Variants in TEX26 observed in about 807,000 individuals in gnomAD.
TEX26 encodes testis expressed 26.
Under a neutral mutation model 35.3 loss-of-function variants are expected in TEX26, and 34 were observed. The ratio of observed to expected loss-of-function variants is 0.96; its 90% confidence interval spans 0.73 to 1.28. The LOEUF is 1.28. Among genes scored for constraint, TEX26 ranks in the 50% most tolerant of loss-of-function variants. The probability of loss-of-function intolerance (pLI) is 0.00; values close to 1 mark genes in which losing one functional copy is unlikely to be tolerated. For missense variants in TEX26, 371 were observed against 330.1 expected (o/e 1.12, Z -0.96); for synonymous variants, 136 against 111.8 (o/e 1.22, Z -1.36).
intron 3 of TEX26, among the ~76,000 whole-genome samples, chr13:30,956,521 G>C (rs1383260538): frequency 2.6e-5 from 4 of 152,138 alleles, no homozygotes; most frequent in African/African-American, 9.7e-5. Context: ...GGCTCCCAAG[G>C]GGAAAGCAGC....
chr13:30,966,432 CTTTTTTTTTT>C (rs10523710), intron 5 of TEX26, 34 bp downstream of exon 5: 24 of 994,248 alleles, frequency 2.4e-5, no homozygotes, highest in African/African-American at 4.5e-5. Flanking sequence ...TTCTTTTTCT[CTTTTTTTTTT>C]TTTTTTTTTT....
chr13:30,939,535 T>C (rs1440909432), intron 1 of TEX26, among the ~76,000 whole-genome samples, 159 bp from the exon 2 acceptor site: 1 of 152,250 alleles, frequency 6.6e-6, no homozygotes, highest in Non-Finnish European at 1.5e-5. Flanking sequence ...ACTTCCTCAT[T>C]CCTATTAGAG....
chr13:30,956,517 C>G (rs1251390127), intron 3 of TEX26, among the ~76,000 whole-genome samples: 2 of 152,114 alleles, frequency 1.3e-5, no homozygotes, highest in African/African-American at 4.8e-5. Flanking sequence ...CAGGGGCTCC[C>G]AAGGGGAAAG....
At chr13:30,958,687 A>G (rs535553728) in intron 4 of TEX26, among the ~76,000 whole-genome samples, 3 of 152,188 alleles carry the variant, frequency 2.0e-5, no homozygotes, top group Non-Finnish European at 4.4e-5. Flanking sequence ...CCCCTGAACA[A>G]GAACTTTATC....
At chr13:30,935,623 G>T (rs191311468) in intron 1 of TEX26, among the ~76,000 whole-genome samples, 269 of 152,314 alleles carry the variant, frequency 1.8e-3, no homozygotes, top group South Asian at 5.6e-3. Flanking sequence ...CAGGAGCTAC[G>T]CTCTCTGCTG....
intron 3 of TEX26, among the ~76,000 whole-genome samples, chr13:30,954,088 G>C (rs990855214): frequency 1.3e-5 from 2 of 152,048 alleles, no homozygotes; most frequent in Non-Finnish European, 2.9e-5. Flanking sequence ...AAGACATGTT[G>C]GTTGAAGATG....
At chr13:30,960,090 A>T (rs906463709) in intron 4 of TEX26, among the ~76,000 whole-genome samples, 13 of 152,228 alleles carry the variant, frequency 8.5e-5, no homozygotes, top group African/African-American at 2.7e-4. Context: ...CAGATTGACA[A>T]GAATATACTT....
intron 4 of TEX26, among the ~76,000 whole-genome samples, chr13:30,963,834 T>C (rs1954435314): frequency 6.6e-6 from 1 of 152,174 alleles, no homozygotes; most frequent in African/African-American, 2.4e-5. Context: ...ATTCTATAGA[T>C]ATTTAAGTCT....
intron 6 of TEX26, among the ~76,000 whole-genome samples, chr13:30,970,616 T>C (rs571560228): frequency 6.6e-6 from 1 of 152,282 alleles, no homozygotes; most frequent in East Asian, 1.9e-4. Flanking sequence ...TTGGACCCTG[T>C]AGAAAGAGGA....
At chr13:30,953,607 C>A (rs1164498780) in intron 3 of TEX26, among the ~76,000 whole-genome samples, 1 of 152,158 alleles carries the variant, frequency 6.6e-6, no homozygotes, top group Non-Finnish European at 1.5e-5. Flanking sequence ...CGCTCTCAAA[C>A]CTCCATTTTT....
intron 2 of TEX26, among the ~76,000 whole-genome samples, chr13:30,942,717 C>T (rs1236413888): frequency 2.6e-5 from 4 of 151,880 alleles, no homozygotes; most frequent in South Asian, 2.1e-4. Flanking sequence ...CCAATTTTCC[C>T]GGCACCATTT....
intron 2 of TEX26, among the ~76,000 whole-genome samples, chr13:30,943,788 C>T (rs1469077132): frequency 6.6e-6 from 1 of 152,050 alleles, no homozygotes; most frequent in East Asian, 1.9e-4. Flanking sequence ...TATGTTAAAG[C>T]ATGCCTGCAT....
At chr13:30,968,529 A>C (rs1009571882) in intron 5 of TEX26, among the ~76,000 whole-genome samples, 2 of 152,186 alleles carry the variant, frequency 1.3e-5, no homozygotes, top group African/African-American at 4.8e-5. Flanking sequence ...AAAGACGTGT[A>C]ATTTGGGGTG....
intron 2 of TEX26, among the ~76,000 whole-genome samples, chr13:30,949,575 T>G (rs1355697717): frequency 6.6e-6 from 1 of 151,972 alleles, no homozygotes; most frequent in Non-Finnish European, 1.5e-5. Flanking sequence ...GACAAGGAAG[T>G]GTTAAAAGAT....
chr13:30,937,122 G>C, intron 1 of TEX26: 1 of 438,714 alleles, frequency 2.3e-6, no homozygotes, highest in Non-Finnish European at 3.0e-6. Context: ...CTGTACAAAG[G>C]TAACAATGGA....
At chr13:30,961,375 G>T (rs1348929589) in intron 4 of TEX26, among the ~76,000 whole-genome samples, 2 of 152,146 alleles carry the variant, frequency 1.3e-5, no homozygotes, top group Non-Finnish European at 2.9e-5. Flanking sequence ...CCTGAGCCTT[G>T]CTCCCTGCCT....
intron 2 of TEX26, among the ~76,000 whole-genome samples, chr13:30,942,971 G>A (rs1335903665): frequency 6.6e-6 from 1 of 151,930 alleles, no homozygotes; most frequent in Non-Finnish European, 1.5e-5. Context: ...TGGCTATTTG[G>A]GCTCTCTTTT....
At chr13:30,963,200 T>C (rs1954412688) in intron 4 of TEX26, among the ~76,000 whole-genome samples, 1 of 152,152 alleles carries the variant, frequency 6.6e-6, no homozygotes, top group Non-Finnish European at 1.5e-5. Context: ...ATGCCATACC[T>C]AATCTTAAAT....
At chr13:30,934,179 G>A (rs113930087) in intron 1 of TEX26, among the ~76,000 whole-genome samples, 116 of 152,336 alleles carry the variant, frequency 7.6e-4, no homozygotes, top group Middle Eastern at 3.4e-3. Flanking sequence ...ACTGCAGTTT[G>A]ATCACCAGGT....
Sources: allele counts gnomAD v4.1 joint callset (sites outside exome capture counted in the v4.1 genomes callset), GRCh38; gene constraint gnomAD v4.1.1; transcripts MANE v1.5; gene names NCBI Gene and HGNC (gene_info 2026-07-23, HGNC 2026-07-21).